Variants in KIF26B observed in about 807,000 individuals in gnomAD.
KIF26B encodes the protein kinesin-like protein KIF26B.
A neutral mutation model predicts 151.2 loss-of-function variants in KIF26B; 63 were observed. The ratio of observed to expected loss-of-function variants is 0.42; its 90% CI spans 0.34 to 0.51. The LOEUF (loss-of-function observed/expected upper bound fraction) is 0.51. KIF26B is among the 20% of genes least tolerant of loss of function. KIF26B has a pLI of 0.07. For synonymous variants in KIF26B, 1,357 were observed against 1,262.1 expected, an observed-to-expected ratio of 1.08 and a Z score of -1.59; for missense variants, 2,813 against 2,913.6, an observed-to-expected ratio of 0.97 and a Z score of 0.79.
chr1:245,482,282 G>GT (rs1660183268), intron 4 of KIF26B, among the ~76,000 whole-genome samples: 2 of 151,226 alleles, frequency 1.3e-5, no homozygotes, highest in Admixed American at 1.3e-4. Context: ...AGTAGACGGG[G>GT]TTTCACCATA....
intron 9 of KIF26B, among the ~76,000 whole-genome samples, chr1:245,623,907 T>C (rs1235213726): frequency 6.6e-6 from 1 of 152,214 alleles, no homozygotes; most frequent in African/African-American, 2.4e-5. Flanking sequence ...ATGGTTTGGC[T>C]CTGTCCTCGC....
At chr1:245,176,080 A>G (rs950341404) in intron 2 of KIF26B, among the ~76,000 whole-genome samples, 3 of 151,838 alleles carry the variant, frequency 2.0e-5, no homozygotes, top group African/African-American at 7.3e-5. Context: ...GCTCACTGCA[A>G]CCTCTGCCTC....
chr1:245,343,455 C>T (rs1484641626), intron 2 of KIF26B, among the ~76,000 whole-genome samples: 4 of 151,890 alleles, frequency 2.6e-5, no homozygotes, highest in African/African-American at 4.8e-5. Flanking sequence ...CCTGTATACA[C>T]TCAGGTCTGT....
Position 245,395,509 on chromosome 1 carries a change from G to A in KIF26B, c.1000-24070G>A, listed in dbSNP as rs193085985. Reference sequence around the variant, plus strand: ...ACCTTCTCAGATGCCACTACTGGACGCAGCCCTCTAGACCTGAAGGTATGC... The same window carrying A: ...ACCTTCTCAGATGCCACTACTGGACACAGCCCTCTAGACCTGAAGGTATGC... On this transcript the variant is annotated intron_variant, in intron 3 of 14. Transcript: ENST00000407071. Among the ~76,000 whole-genome samples, 15 of 152,302 alleles carry A rather than the reference G, an allele frequency of 9.8e-5. No homozygotes were observed. The South Asian group carries it at 1.5e-3, about 15-fold the overall frequency.
At chr1:245,222,702 G>C (rs1241147219) in intron 2 of KIF26B, among the ~76,000 whole-genome samples, 1 of 152,100 alleles carries the variant, frequency 6.6e-6, no homozygotes, top group East Asian at 1.9e-4. Context: ...TGCATATTGA[G>C]AGTGGATAAA....
chr1:245,180,799 T>A (rs1262379165), intron 2 of KIF26B, among the ~76,000 whole-genome samples: 1 of 152,124 alleles, frequency 6.6e-6, no homozygotes, highest in East Asian at 1.9e-4. Context: ...ACAGCAGGAT[T>A]TGGGGTCCTT....
intron 4 of KIF26B, among the ~76,000 whole-genome samples, chr1:245,535,863 T>C (rs1419960107): frequency 2.6e-5 from 4 of 152,228 alleles, no homozygotes; most frequent in Non-Finnish European, 4.4e-5. Context: ...CTAAATGCTT[T>C]ACATGTACTG....
At chr1:245,694,436 G>A (rs922883692) in intron 12 of KIF26B, among the ~76,000 whole-genome samples, 1 of 152,254 alleles carries the variant, frequency 6.6e-6, no homozygotes, top group African/African-American at 2.4e-5. Context: ...TCAGGAGCAG[G>A]AGTTTGGGAA....
At chr1:245,233,378 T>C (rs141675204) in intron 2 of KIF26B, among the ~76,000 whole-genome samples, 19 of 152,340 alleles carry the variant, frequency 1.2e-4, no homozygotes, top group Admixed American at 4.6e-4. Flanking sequence ...CAATTTCATA[T>C]GTAAAGTGAT....
chr1:245,699,554 C>T (rs903554642), intron 14 of KIF26B, among the ~76,000 whole-genome samples: 20 of 151,472 alleles, frequency 1.3e-4, no homozygotes, highest in Admixed American at 1.2e-3. Context: ...CCCAGGATGA[C>T]CATAACCATC....
chr1:245,574,864 C>CTT lies in KIF26B; in HGVS notation c.1351-27697_1351-27696dup, dbSNP rs201010492. 7.8e-4 allele frequency among the ~76,000 whole-genome samples: 99 copies of CTT among 126,270 alleles called. 1 individual carries two copies. The highest frequency in any genetic ancestry group is 1.4e-3 in the African/African-American group (46 of 32,530). 82.8% of individuals were successfully genotyped at this position (126,270 alleles called of 152,430 possible). A position where few individuals can be genotyped will look rare whatever the true frequency, so the allele number is the denominator to read the frequency against. ...TTTTATATCTTTTTCTTTTTTTTTT[C>CTT]TTTTTTTTTTTTTTTTTGAGACAGA... On this transcript the variant is annotated intron_variant, in intron 5 of 14. Transcript: ENST00000407071.
intron 2 of KIF26B, among the ~76,000 whole-genome samples, chr1:245,243,068 C>T (rs1319825845): frequency 6.6e-6 from 1 of 152,176 alleles, no homozygotes; most frequent in African/African-American, 2.4e-5. Flanking sequence ...TGGAAGTTCT[C>T]TGATATATTC....
Position 245,343,823 on chromosome 1 carries a change from G to A in KIF26B, c.466-23011G>A, listed in dbSNP as rs1388265892. ...GCAGAGGTATGGTTTTGATTTATGTGTTGAAAGACAGAAAACAAATAAGAA... is the reference window on the plus strand; with the variant it reads ...GCAGAGGTATGGTTTTGATTTATGTATTGAAAGACAGAAAACAAATAAGAA... On this transcript the variant is annotated intron_variant, in intron 2 of 14. Coordinates refer to ENST00000407071, the MANE Select transcript of KIF26B (RefSeq NM_018012.4). Among the ~76,000 whole-genome samples, 7 of 152,348 alleles carry A rather than the reference G, an allele frequency of 4.6e-5. No homozygotes were observed. In the East Asian group the frequency reaches 1.3e-3, roughly 29 times the overall value.
intron 10 of KIF26B, among the ~76,000 whole-genome samples, chr1:245,681,444 C>T (rs551503162): frequency 1.5e-4 from 23 of 152,254 alleles, no homozygotes; most frequent in African/African-American, 5.1e-4. Context: ...CTCCTGACCT[C>T]ATGATCCACC....
At chr1:245,574,631 A>G (rs1037225702) in intron 5 of KIF26B, among the ~76,000 whole-genome samples, 1 of 152,078 alleles carries the variant, frequency 6.6e-6, no homozygotes, top group Non-Finnish European at 1.5e-5. Flanking sequence ...CCTCAAGTCC[A>G]TGGCAGGGCC....
intron 3 of KIF26B, among the ~76,000 whole-genome samples, chr1:245,389,365 G>A (rs776345920): frequency 3.8e-4 from 58 of 151,738 alleles, no homozygotes; most frequent in Non-Finnish European, 4.6e-4. Flanking sequence ...CGCCCACCTC[G>A]GCCTCCCAAA....
At chr1:245,586,610 G>A (rs909760887) in intron 5 of KIF26B, among the ~76,000 whole-genome samples, 17 of 152,094 alleles carry the variant, frequency 1.1e-4, no homozygotes, top group South Asian at 6.2e-4. Flanking sequence ...CAGGCCGGGC[G>A]CGGTGGCTCA....
intron 2 of KIF26B, among the ~76,000 whole-genome samples, chr1:245,316,716 C>T (rs1219557097): frequency 6.6e-6 from 1 of 152,050 alleles, no homozygotes; most frequent in Non-Finnish European, 1.5e-5. Flanking sequence ...GTGTCCTTGA[C>T]TGGCTTGGAT....
At chr1:245,249,671 T>G (rs113756231) in intron 2 of KIF26B, among the ~76,000 whole-genome samples, 3 of 151,956 alleles carry the variant, frequency 2.0e-5, no homozygotes, top group African/African-American at 7.3e-5. Context: ...TTAGTAGAGA[T>G]GGGGTTTCAC....
Sources: allele counts gnomAD v4.1 joint callset (sites outside exome capture counted in the v4.1 genomes callset), GRCh38; gene constraint gnomAD v4.1.1; transcripts MANE v1.5; gene names NCBI Gene and HGNC (gene_info 2026-07-23, HGNC 2026-07-21).